Variants in DGKG observed in about 807,000 individuals in gnomAD.
DGKG encodes DAG kinase gamma.
In DGKG, 78 loss-of-function variants were observed where a neutral mutation model predicts 105.3. The observed-to-expected ratio is 0.74, with a 90% CI of 0.62 to 0.89. The LOEUF (loss-of-function observed/expected upper bound fraction) is 0.89. Ranked by LOEUF, DGKG falls within the 40% of genes least tolerant of loss-of-function variation. DGKG has a pLI of 0.00. For synonymous variants in DGKG, 346 were observed against 367.1 expected, an observed-to-expected ratio of 0.94 and a Z score of 0.66; for missense variants, 958 against 1,020.1, an observed-to-expected ratio of 0.94 and a Z score of 0.83.
At position 186,284,052 on chromosome 3, in the gene DGKG, G is replaced by A. The variant is rs1205248079; in HGVS notation, c.594+608C>T. On this transcript the variant is annotated intron_variant, in intron 7 of 24. Transcript: ENST00000265022. The surrounding 1 kb of genome is among the most constrained non-coding windows in gnomAD (Gnocchi z 4.0). Reference sequence around the variant, plus strand: ...CACGAGCCTTGATCGATCCTTGCCTGTTCCTGAAGGGGTGAGGGTGAGTCT... The same window carrying A: ...CACGAGCCTTGATCGATCCTTGCCTATTCCTGAAGGGGTGAGGGTGAGTCT... Among the ~76,000 whole-genome samples the A allele has an allele frequency of 6.6e-6, 1 of 152,186 alleles. No individual in the cohort carries two copies. The highest frequency in any genetic ancestry group is 1.5e-5 in the Non-Finnish European group (1 of 68,034).
At chr3:186,199,456 C>A (rs1401942183) in intron 21 of DGKG, among the ~76,000 whole-genome samples, 1 of 152,078 alleles carries the variant, frequency 6.6e-6, no homozygotes, top group Non-Finnish European at 1.5e-5. Flanking sequence ...CTATTGTGAA[C>A]CAGCACTTTA....
At chr3:186,170,205 G>A (rs1716752194) in intron 22 of DGKG, among the ~76,000 whole-genome samples, 1 of 152,202 alleles carries the variant, frequency 6.6e-6, no homozygotes, top group African/African-American at 2.4e-5. Context: ...ATCAGAATGT[G>A]TGAGCATAGG....
At chr3:186,296,373 C>A (rs1028165374) in intron 5 of DGKG, among the ~76,000 whole-genome samples, 2 of 152,212 alleles carry the variant, frequency 1.3e-5, no homozygotes, top group African/African-American at 4.8e-5. Flanking sequence ...GCTCCTTAAG[C>A]AACATGCTCT....
At chr3:186,318,748 G>T (rs148424771) in intron 2 of DGKG, among the ~76,000 whole-genome samples, 2 of 152,280 alleles carry the variant, frequency 1.3e-5, no homozygotes, top group African/African-American at 4.8e-5. Context: ...GCTCTCAGAA[G>T]GAGCCAGCGC....
chr3:186,281,704 G>T (rs773588343), intron 7 of DGKG, among the ~76,000 whole-genome samples: 5 of 152,208 alleles, frequency 3.3e-5, no homozygotes, highest in Admixed American at 2.6e-4. Flanking sequence ...TGGGCACAAA[G>T]GTGGGGAAAG....
At chr3:186,185,025 T>C (rs1210441838) in intron 22 of DGKG, among the ~76,000 whole-genome samples, 1 of 152,130 alleles carries the variant, frequency 6.6e-6, no homozygotes, top group East Asian at 1.9e-4. Flanking sequence ...AATATAATTG[T>C]CAGACTTGCT....
chr3:186,354,172 G>A (rs1726790594), intron 1 of DGKG, among the ~76,000 whole-genome samples: 1 of 152,166 alleles, frequency 6.6e-6, no homozygotes, highest in Non-Finnish European at 1.5e-5. Flanking sequence ...CCTTCTGGGA[G>A]CTGGAAAGAG....
At chr3:186,153,458 C>T (rs1175874939) in intron 24 of DGKG, among the ~76,000 whole-genome samples, 2 of 152,194 alleles carry the variant, frequency 1.3e-5, no homozygotes, top group African/African-American at 4.8e-5. Context: ...CTATTCACAT[C>T]ACTGACAGCA....
chr3:186,280,764 GA>G lies in DGKG; in HGVS notation c.595-21del, dbSNP rs1192097151. 1 of 1,604,868 alleles carries G rather than the reference GA, an allele frequency of 6.2e-7. No individual in the cohort carries two copies. Among genetic ancestry groups the G allele is most frequent in the Non-Finnish European group, 8.5e-7 (1 of 1,171,776 alleles). Reference sequence around the variant, plus strand: ...CATCTCCTAGAAAATAGCAAAGGGAGAAAATATCAAAAGGAGACAACCAGAG... The same window carrying G: ...CATCTCCTAGAAAATAGCAAAGGGAGAAATATCAAAAGGAGACAACCAGAG... On this transcript the variant is annotated intron_variant, in intron 7 of 24. Coordinates refer to ENST00000265022, the MANE Select transcript of DGKG (RefSeq NM_001346.3).
chr3:186,160,951 C>T (rs1716263431), intron 24 of DGKG: 1 of 985,386 alleles, frequency 1.0e-6, no homozygotes, highest in South Asian at 4.7e-5. Flanking sequence ...TTTTATTCAT[C>T]ATTTGACATG....
chr3:186,184,524 C>G (rs1211167369), intron 22 of DGKG, among the ~76,000 whole-genome samples: 1 of 149,846 alleles, frequency 6.7e-6, no homozygotes, highest in Non-Finnish European at 1.5e-5. Context: ...CTCAGCCTCC[C>G]TTGTAGCTGG....
At chr3:186,161,438 C>A in intron 24 of DGKG, 165 bp downstream of exon 24, 1 of 1,441,404 alleles carries the variant, frequency 6.9e-7, no homozygotes, top group South Asian at 1.5e-5. Flanking sequence ...TTAAGAGTTG[C>A]CAGGTAAATG....
intron 22 of DGKG, among the ~76,000 whole-genome samples, chr3:186,167,938 C>A (rs554899905): frequency 6.6e-6 from 1 of 152,204 alleles, no homozygotes; most frequent in Non-Finnish European, 1.5e-5. Flanking sequence ...TGCAATTGAA[C>A]TGCAGGATCA....
In DGKG at chr3:186,211,728, G is replaced by A. The variant is rs898447939; in HGVS notation, c.1917+67C>T. ...TTAAGGTCCCAAGAGGATACATCCTGTGCATGTGTGACAGTCCAGGAGCAG... is the reference window on the plus strand; with the variant it reads ...TTAAGGTCCCAAGAGGATACATCCTATGCATGTGTGACAGTCCAGGAGCAG... On this transcript the variant is annotated intron_variant, in intron 21 of 24. Transcript: ENST00000265022. The A allele has an allele frequency of 1.4e-5, 16 of 1,157,498 alleles. No homozygotes were observed. In the African/African-American group the frequency reaches 2.0e-4, roughly 14 times the overall value. The allele number at this position is 1,157,498 out of a possible 1,614,324, so 71.7% of individuals were successfully genotyped here.
intron 3 of DGKG, among the ~76,000 whole-genome samples, chr3:186,301,644 A>G (rs1000394719): frequency 6.6e-6 from 1 of 152,188 alleles, no homozygotes; most frequent in Non-Finnish European, 1.5e-5. Flanking sequence ...AAAACTTTCC[A>G]TGGTTTCTAA....
intron 5 of DGKG, among the ~76,000 whole-genome samples, chr3:186,296,013 G>A (rs904190652): frequency 2.0e-5 from 3 of 151,662 alleles, no homozygotes; most frequent in African/African-American, 7.3e-5. Flanking sequence ...GGAGGCTGAC[G>A]CACAAGAATA....
At chr3:186,163,187 G>T (rs1716382229) in intron 23 of DGKG, among the ~76,000 whole-genome samples, 5 of 152,008 alleles carry the variant, frequency 3.3e-5, no homozygotes, top group Admixed American at 3.3e-4. Context: ...AAAATCTTTT[G>T]TAGAAGGGGG....
Position 186,314,205 on chromosome 3 carries a change from A to T in DGKG, c.67+6188T>A, listed in dbSNP as rs966611019. 2.7e-3 allele frequency among the ~76,000 whole-genome samples: 409 copies of T among 150,576 alleles called. 1 individual carries two copies. Among genetic ancestry groups the T allele is most frequent in the African/African-American group, 9.5e-3 (386 of 40,776 alleles). On this transcript the variant is annotated intron_variant, in intron 2 of 24. Coordinates refer to ENST00000265022, the MANE Select transcript of DGKG (RefSeq NM_001346.3). ...CACACACACACACACACACACACACACACACACACACACACACACATTAAT... is the reference window on the plus strand; with the variant it reads ...CACACACACACACACACACACACACTCACACACACACACACACACATTAAT...
At chr3:186,328,558 G>GA (rs988871764) in intron 1 of DGKG, among the ~76,000 whole-genome samples, 1 of 150,506 alleles carries the variant, frequency 6.6e-6, no homozygotes, top group African/African-American at 2.5e-5. Flanking sequence ...ATTCACAGTG[G>GA]AAAAGGCTAC....
Sources: gnomAD v4.1 joint callset for allele counts (sites outside exome capture counted in the v4.1 genomes callset) on GRCh38, gnomAD v4.1.1 for gene constraint, Gnocchi (gnomAD v3.1) non-coding constraint, MANE v1.5 for transcripts, NCBI Gene and HGNC (gene_info 2026-07-23, HGNC 2026-07-21) for gene names.